HUWE1: variants seen among roughly 807,000 people sequenced by gnomAD.
HUWE1 encodes HECT, UBA and WWE domain containing E3 ubiquitin protein ligase 1.
HUWE1 carries 18 observed loss-of-function variants against 299.4 expected under a neutral mutation model. The ratio of observed to expected loss-of-function variants is 0.06; its 90% CI spans 0.04 to 0.09. HUWE1 has a LOEUF of 0.09. Among genes scored for constraint, HUWE1 ranks in the 10% least tolerant of loss-of-function variants. The probability of loss-of-function intolerance (pLI) is 1.00; values close to 1 mark genes in which losing one functional copy is unlikely to be tolerated. For synonymous variants in HUWE1, 1,317 were observed against 1,286.1 expected, an observed-to-expected ratio of 1.02 and a Z score of -0.51; for missense variants, 1,832 against 3,462.3, an observed-to-expected ratio of 0.53 and a Z score of 11.82.
intron 42 of HUWE1, 150 bp from the exon 43 acceptor site, chrX:53,581,176 A>C: frequency 2.0e-6 from 1 of 489,703 alleles, no homozygotes; most frequent in Non-Finnish European, 3.3e-6. Flanking sequence ...TGATTCAAAA[A>C]ACCTGGCTTA....
intron 3 of HUWE1, among the ~76,000 whole-genome samples, chrX:53,658,049 CAAAAAA>C (rs782662378): frequency 2.6e-5 from 1 of 38,041 alleles, no homozygotes; most frequent in Non-Finnish European, 4.5e-5. Context: ...GACTCCGTCT[CAAAAAA>C]AAAAAAAGTC....
At chrX:53,564,426 T>C (rs1337653750) in intron 51 of HUWE1, 148 bp downstream of exon 51, 5 of 630,270 alleles carry the variant, frequency 7.9e-6, no homozygotes, top group African/African-American at 6.6e-5. Context: ...ACACATTTAC[T>C]GAGCATCTAC....
Position 53,589,637 on chromosome X carries a change from T to C in HUWE1, c.4371A>G (p.Thr1457=). ...TGATCAGGTCACACACACGGTATACTGTGTCTGGCAGCTCATCAAGAAGGT... is the reference window on the plus strand; with the variant it reads ...TGATCAGGTCACACACACGGTATACCGTGTCTGGCAGCTCATCAAGAAGGT... ...CFHLLDELPD[T]VYRVCDLIMT... The change falls in exon 36 of 84, where the codon ACA becomes ACG. Residue 1457 remains threonine (T), a synonymous_variant. Coordinates refer to ENST00000262854, the MANE Select transcript of HUWE1 (RefSeq NM_031407.7). 1.7e-6 allele frequency: 2 copies of C among 1,208,907 alleles called. No individual in the cohort carries two copies. The highest frequency in any genetic ancestry group is 2.2e-6 in the Non-Finnish European group (2 of 892,883).
chrX:53,640,388 G>C (rs1173881128), intron 7 of HUWE1, among the ~76,000 whole-genome samples: 1 of 111,164 alleles, frequency 9.0e-6, no homozygotes, highest in Non-Finnish European at 1.9e-5. Context: ...AATAAAAGAA[G>C]CCCACATGAA....
At chrX:53,616,728 GC>G (rs1433286327) in intron 21 of HUWE1, among the ~76,000 whole-genome samples, 3 of 111,481 alleles carry the variant, frequency 2.7e-5, no homozygotes, top group African/African-American at 9.8e-5. Context: ...ATCTACCACT[GC>G]TTCTTAATAC....
At chrX:53,678,072 G>A (rs1192862840) in intron 3 of HUWE1, among the ~76,000 whole-genome samples, 4 of 112,109 alleles carry the variant, frequency 3.6e-5, no homozygotes, top group Admixed American at 1.9e-4. Flanking sequence ...CAATCTCCAC[G>A]TAATGGTACA....
chrX:53,576,100 G>A (rs1306834235), intron 44 of HUWE1, among the ~76,000 whole-genome samples: 1 of 111,912 alleles, frequency 8.9e-6, no homozygotes. Context: ...AAACTATTTC[G>A]GGGAGGTGAT....
chrX:53,577,108 C>T (rs2063140988), intron 43 of HUWE1, 41 bp from the exon 44 acceptor site: 1 of 1,041,696 alleles, frequency 9.6e-7, no homozygotes, highest in African/African-American at 1.8e-5. Flanking sequence ...AATCATGAAG[C>T]AGTACCTAAA....
intron 7 of HUWE1, among the ~76,000 whole-genome samples, chrX:53,636,445 C>A (rs781933452): frequency 8.9e-6 from 1 of 112,874 alleles, no homozygotes; most frequent in Non-Finnish European, 1.9e-5. Context: ...CGGCCAGGTG[C>A]GGTGGCTCAT....
At position 53,569,703 on chromosome X, in the gene HUWE1, G is replaced by A. The variant is rs1556948996; in HGVS notation, c.6437C>T (p.Thr2146Ile). The A allele has an allele frequency of 8.3e-7, 1 of 1,212,102 alleles. No homozygotes were observed. The highest frequency in any genetic ancestry group is 2.2e-5 in the Admixed American group (1 of 46,104). The change falls in exon 48 of 84, where the codon ACA (threonine) becomes ATA (isoleucine). Residue 2146 changes from threonine to isoleucine, a missense_variant. Thr to Ile is a moderately conservative substitution (Grantham distance 89). Coordinates refer to ENST00000262854, the MANE Select transcript of HUWE1 (RefSeq NM_031407.7). ...LASLAAAGSG[T>I]DAQVALVNEV... ...ATTCACTAGGGCCACCTGGGCATCT[G>A]TGCCACTCCCTGCAGCAGCCAGGCT...
At position 53,614,629 on chromosome X, in the gene HUWE1, T is replaced by G; in HGVS notation, c.2166A>C (p.Ala722=). The G allele has an allele frequency of 2.5e-6, 3 of 1,209,148 alleles. No homozygotes were observed. The highest frequency in any genetic ancestry group is 3.4e-6 in the Non-Finnish European group (3 of 893,085). The change falls in exon 23 of 84, where the codon GCA becomes GCC. Residue 722 remains alanine, a synonymous_variant. Transcript: ENST00000262854. The part of the protein sequence containing the change: ...TAPPPRSNHA[A]EEASSEDEEE... ...CCTCATCCTCACTAGAGGCTTCTTC[T>G]GCGGCATGATTAGACCTTGGGGGAG...
At chrX:53,628,464 TAAAAAAA>T in intron 15 of HUWE1, 22 bp downstream of exon 15, 1 of 1,055,060 alleles carries the variant, frequency 9.5e-7, no homozygotes, top group South Asian at 2.2e-5. Flanking sequence ...CCATGTAGTT[TAAAAAAA>T]AAAAAAAAAA....
chrX:53,657,059 C>G (rs1457217460), intron 3 of HUWE1, among the ~76,000 whole-genome samples: 1 of 111,960 alleles, frequency 8.9e-6, no homozygotes, highest in African/African-American at 3.2e-5. Flanking sequence ...AAATGAATCA[C>G]TTAAATATAG....
At chrX:53,537,902 A>G (rs1296300877) in intron 77 of HUWE1, among the ~76,000 whole-genome samples, 2 of 111,245 alleles carry the variant, frequency 1.8e-5, no homozygotes, top group Non-Finnish European at 3.8e-5. Context: ...TCCACTGAGT[A>G]AGGGCCCACA....
intron 9 of HUWE1, chrX:53,632,160 A>G (rs1405383514): frequency 6.0e-6 from 2 of 332,885 alleles, no homozygotes; most frequent in African/African-American, 5.3e-5. Context: ...CAGGCTTCCT[A>G]ATTAGAGAAA....
chrX:53,648,110 G>C (rs1557037319), intron 5 of HUWE1, 102 bp downstream of exon 5: 1 of 573,048 alleles, frequency 1.7e-6, no homozygotes, highest in Non-Finnish European at 3.0e-6. Context: ...ATTAATTGCT[G>C]AATGAGGCTA....
chrX:53,666,106 G>T (rs1006385474), intron 3 of HUWE1, among the ~76,000 whole-genome samples: 1 of 112,657 alleles, frequency 8.9e-6, no homozygotes, highest in Admixed American at 9.4e-5. Context: ...TCATTTGTCA[G>T]AAGTTATTTT....
chrX:53,588,811 TAC>T lies in HUWE1; in HGVS notation c.4462-279_4462-278del, dbSNP rs782702924. ...GAGTATTTTAAAACTTCCTGGTGCA[TAC>T]AGTCAACCCCAAAAAGGTTCTATCA... On this transcript the variant is annotated intron_variant, in intron 36 of 83. Coordinates refer to ENST00000262854, the MANE Select transcript of HUWE1 (RefSeq NM_031407.7). Among the ~76,000 whole-genome samples, 81 of 112,180 alleles carry T rather than the reference TAC, an allele frequency of 7.2e-4. 2 individuals carry two copies. In the Middle Eastern group the frequency reaches 0.014, roughly 19 times the overall value.
chrX:53,631,540 G>C (rs374831337), intron 10 of HUWE1, 27 bp downstream of exon 10: 2 of 1,183,216 alleles, frequency 1.7e-6, no homozygotes, highest in Non-Finnish European at 2.3e-6. Context: ...ATTAAGAAAC[G>C]AGCCAAGAGT....
Sources: allele counts gnomAD v4.1 joint callset (sites outside exome capture counted in the v4.1 genomes callset), GRCh38; gene constraint gnomAD v4.1.1; transcripts MANE v1.5; gene names NCBI Gene and HGNC (gene_info 2026-07-23, HGNC 2026-07-21).